NAALADL2: variants seen among roughly 807,000 people sequenced by gnomAD.
NAALADL2 encodes the protein inactive N-acetylated-alpha-linked acidic dipeptidase-like protein 2.
In NAALADL2, 76 loss-of-function variants were observed where a neutral mutation model predicts 87.2. The observed-to-expected ratio is 0.87, with a 90% confidence interval of 0.72 to 1.05. NAALADL2 has a LOEUF of 1.05. Ranked by LOEUF, NAALADL2 falls within the 50% of genes least tolerant of loss-of-function variation. NAALADL2 has a pLI of 0.00. For synonymous variants in NAALADL2, 354 were observed against 331.0 expected (o/e 1.07, Z -0.75); for missense variants, 1,089 against 945.8 (o/e 1.15, Z -1.99).
intron 2 of NAALADL2, among the ~76,000 whole-genome samples, chr3:175,181,443 T>C (rs1230623668): frequency 6.6e-6 from 1 of 151,780 alleles, no homozygotes; most frequent in Non-Finnish European, 1.5e-5. Flanking sequence ...ACTGAAACTT[T>C]GCACCCTTTG....
chr3:175,287,622 A>G (rs966839851), intron 4 of NAALADL2, among the ~76,000 whole-genome samples: 3 of 152,164 alleles, frequency 2.0e-5, no homozygotes, highest in Non-Finnish European at 4.4e-5. Context: ...CTTACCCACG[A>G]TGCTATGCTT....
At chr3:175,736,044 C>G (rs74825390) in intron 11 of NAALADL2, among the ~76,000 whole-genome samples, 2,847 of 152,180 alleles carry the variant, frequency 0.019, 91 homozygotes, top group African/African-American at 0.064. Context: ...TAGGGACATT[C>G]GTTAAGCCCA....
At chr3:175,151,571 C>G (rs893105783) in intron 2 of NAALADL2, among the ~76,000 whole-genome samples, 2 of 152,108 alleles carry the variant, frequency 1.3e-5, no homozygotes, top group African/African-American at 2.4e-5. Context: ...AGGTCAGACT[C>G]TCTGTGGGCC....
intron 1 of NAALADL2, among the ~76,000 whole-genome samples, chr3:174,478,389 C>T (rs1199141369): frequency 6.6e-6 from 1 of 151,906 alleles, no homozygotes; most frequent in Non-Finnish European, 1.5e-5. Flanking sequence ...TACACAAATA[C>T]CTAGAAACTA....
At chr3:175,208,844 A>G (rs373092780) in intron 2 of NAALADL2, among the ~76,000 whole-genome samples, 15 of 152,188 alleles carry the variant, frequency 9.9e-5, no homozygotes, top group African/African-American at 3.6e-4. Flanking sequence ...TTTGGAATAA[A>G]TTTTTATTCC....
chr3:175,504,559 C>G (rs1730001029), intron 9 of NAALADL2, among the ~76,000 whole-genome samples: 1 of 122,566 alleles, frequency 8.2e-6, no homozygotes, highest in Non-Finnish European at 1.7e-5. Flanking sequence ...CTCTGTCTCT[C>G]TCTGTTTCTC....
chr3:174,760,275 A>G (rs1320716919), intron 3 of NAALADL2, among the ~76,000 whole-genome samples: 1 of 152,128 alleles, frequency 6.6e-6, no homozygotes, highest in African/African-American at 2.4e-5. Flanking sequence ...TCATTCCTCT[A>G]CTTGTTTGCA....
At chr3:175,703,729 C>T (rs1238318612) in intron 11 of NAALADL2, among the ~76,000 whole-genome samples, 3 of 152,008 alleles carry the variant, frequency 2.0e-5, no homozygotes, top group Non-Finnish European at 4.4e-5. Context: ...AGTGACAGAG[C>T]GAGACTCCAT....
intron 5 of NAALADL2, among the ~76,000 whole-genome samples, chr3:175,394,879 A>G (rs907927481): frequency 1.2e-4 from 19 of 152,260 alleles, no homozygotes; most frequent in African/African-American, 4.6e-4. Flanking sequence ...CCCTTCTCAC[A>G]ATTTGACAGA....
chr3:175,224,759 T>C (rs1346052552), intron 2 of NAALADL2, among the ~76,000 whole-genome samples: 2 of 152,208 alleles, frequency 1.3e-5, no homozygotes, highest in South Asian at 2.1e-4. Flanking sequence ...ATGTATACAA[T>C]AGAGATGAAG....
intron 2 of NAALADL2, among the ~76,000 whole-genome samples, chr3:175,105,740 T>C (rs1311464278): frequency 7.7e-6 from 1 of 129,996 alleles, no homozygotes; most frequent in African/African-American, 3.1e-5. Flanking sequence ...ACTAAAAAAG[T>C]TGATTTTGAA....
chr3:174,773,456 T>C (rs1422041679), intron 3 of NAALADL2, among the ~76,000 whole-genome samples: 1 of 152,116 alleles, frequency 6.6e-6, no homozygotes, highest in African/African-American at 2.4e-5. Flanking sequence ...GCTTAGATGA[T>C]AGACTCTCCA....
chr3:175,510,375 A>C (rs926822296), intron 9 of NAALADL2, among the ~76,000 whole-genome samples: 9 of 152,098 alleles, frequency 5.9e-5, no homozygotes, highest in Non-Finnish European at 1.2e-4. Context: ...CAGAATAAAA[A>C]TTGGAGGTCC....
chr3:175,234,076 G>A lies in NAALADL2; in HGVS notation c.691G>A (p.Val231Met). The change falls in exon 3 of 14, where the codon GTG (valine) becomes ATG (methionine). Residue 231 changes from valine to methionine, a missense_variant. By Grantham distance (21) the Val-to-Met change is conservative. Coordinates refer to ENST00000454872, the MANE Select transcript of NAALADL2 (RefSeq NM_207015.3). ...LDLPGPSPST[V>M]TLSSSGQCFH... ...TCTGCCAGGCCCTTCTCCCAGCACT[G>A]TGACTCTGAGCAGCAGTGGTCAATG... 1 of 1,613,906 alleles carries A rather than the reference G, an allele frequency of 6.2e-7. No individual in the cohort carries two copies. The highest frequency in any genetic ancestry group is 1.6e-4 in the Middle Eastern group (1 of 6,062).
intron 5 of NAALADL2, among the ~76,000 whole-genome samples, chr3:175,444,058 A>C (rs1159062405): frequency 6.6e-6 from 1 of 152,134 alleles, no homozygotes; most frequent in African/African-American, 2.4e-5. Flanking sequence ...ATAGCTTAAG[A>C]TTTTGCTTAA....
intron 3 of NAALADL2, among the ~76,000 whole-genome samples, chr3:174,798,676 C>T (rs963096042): frequency 6.6e-6 from 1 of 151,232 alleles, no homozygotes; most frequent in Non-Finnish European, 1.5e-5. Flanking sequence ...TTTTTTGATG[C>T]TATGTTAAAT....
chr3:174,968,360 T>A (rs546142288), intron 1 of NAALADL2, among the ~76,000 whole-genome samples: 11 of 152,294 alleles, frequency 7.2e-5, no homozygotes, highest in African/African-American at 2.6e-4. Flanking sequence ...GAGACTGTTA[T>A]ATCCTCAGTT....
At chr3:174,987,397 G>A (rs1382997304) in intron 1 of NAALADL2, among the ~76,000 whole-genome samples, 15 of 149,478 alleles carry the variant, frequency 1.0e-4, no homozygotes, top group Non-Finnish European at 1.2e-4. Flanking sequence ...GTGAAACCCC[G>A]TCTCTACTAA....
chr3:174,906,908 A>G (rs1560348464), intron 1 of NAALADL2, among the ~76,000 whole-genome samples: 1 of 152,116 alleles, frequency 6.6e-6, no homozygotes, highest in Non-Finnish European at 1.5e-5. Flanking sequence ...TTCTTATGTG[A>G]TCACTAATCT....
Sources: allele counts gnomAD v4.1 joint callset (sites outside exome capture counted in the v4.1 genomes callset), GRCh38; gene constraint gnomAD v4.1.1; transcripts MANE v1.5; gene names NCBI Gene and HGNC (gene_info 2026-07-23, HGNC 2026-07-21).